The following RNF128 variants were observed in gnomAD, a reference collection of about 807,000 sequenced individuals.
RNF128 encodes the protein E3 ubiquitin-protein ligase RNF128.
Under a neutral mutation model 26.2 loss-of-function variants are expected in RNF128, and 13 were observed. The observed-to-expected ratio is 0.50, with a 90% CI of 0.32 to 0.79. RNF128 has a LOEUF of 0.79. Ranked by LOEUF, RNF128 falls within the 30% of genes least tolerant of loss-of-function variation. The probability of loss-of-function intolerance (pLI) is 0.03; values close to 1 mark genes in which losing one functional copy is unlikely to be tolerated. For missense variants in RNF128, 315 were observed against 349.7 expected, an observed-to-expected ratio of 0.90 and a Z score of 0.79; for synonymous variants, 149 against 142.5, an observed-to-expected ratio of 1.05 and a Z score of -0.32.
chrX:106,705,909 CAG>C (rs1200688586), intron 1 of RNF128, among the ~76,000 whole-genome samples: 6 of 111,862 alleles, frequency 5.4e-5, no homozygotes, highest in African/African-American at 2.0e-4. Flanking sequence ...GAGCAGAACT[CAG>C]AGAGAGGTGG....
chrX:106,702,516 T>C (rs1329674064), intron 1 of RNF128, among the ~76,000 whole-genome samples: 2 of 111,264 alleles, frequency 1.8e-5, no homozygotes, highest in East Asian at 5.7e-4. Flanking sequence ...TCTCTGTCGC[T>C]CTCATTTCAG....
At chrX:106,764,649 G>T (rs1343031168) in intron 1 of RNF128, among the ~76,000 whole-genome samples, 1 of 110,686 alleles carries the variant, frequency 9.0e-6, no homozygotes, top group Non-Finnish European at 1.9e-5. Flanking sequence ...TCTGGGTAAG[G>T]AGCGAAACTC....
At chrX:106,767,928 C>T (rs1020808330) in intron 1 of RNF128, among the ~76,000 whole-genome samples, 5 of 111,670 alleles carry the variant, frequency 4.5e-5, no homozygotes, top group African/African-American at 9.8e-5. Flanking sequence ...GCATGAAGCG[C>T]TGTTGAATTT....
intron 1 of RNF128, among the ~76,000 whole-genome samples, chrX:106,769,776 A>G (rs1930336356): frequency 9.1e-6 from 1 of 110,069 alleles, no homozygotes. Flanking sequence ...TTATGTGTGA[A>G]TTTGATCCTG....
chrX:106,778,289 A>G (rs1569444179), intron 2 of RNF128, among the ~76,000 whole-genome samples: 1 of 111,851 alleles, frequency 8.9e-6, no homozygotes, highest in Non-Finnish European at 1.9e-5. Flanking sequence ...TATACTGACT[A>G]CTGTACCAAC....
At chrX:106,739,173 T>A (rs1204500245) in intron 1 of RNF128, among the ~76,000 whole-genome samples, 2 of 109,679 alleles carry the variant, frequency 1.8e-5, no homozygotes, top group Non-Finnish European at 3.8e-5. Flanking sequence ...TCTGACTTTT[T>A]TTTTGAGACG....
At chrX:106,704,519 T>A (rs1929015991) in intron 1 of RNF128, among the ~76,000 whole-genome samples, 1 of 109,575 alleles carries the variant, frequency 9.1e-6, no homozygotes, top group Non-Finnish European at 1.9e-5. Context: ...TTGAAATATG[T>A]GGGGCACGAA....
At chrX:106,770,377 T>A (rs1198845558) in intron 1 of RNF128, among the ~76,000 whole-genome samples, 1 of 112,030 alleles carries the variant, frequency 8.9e-6, no homozygotes, top group East Asian at 2.8e-4. Flanking sequence ...CACTTTCAGG[T>A]ACACCAATCA....
chrX:106,706,070 C>T (rs1929037571), intron 1 of RNF128, among the ~76,000 whole-genome samples: 1 of 111,699 alleles, frequency 9.0e-6, no homozygotes, highest in Non-Finnish European at 1.9e-5. Context: ...AGGCCTCTAA[C>T]CTGATGCATT....
At chrX:106,717,234 T>A (rs775583186) in intron 1 of RNF128, among the ~76,000 whole-genome samples, 3 of 111,029 alleles carry the variant, frequency 2.7e-5, no homozygotes, top group Non-Finnish European at 3.8e-5. Flanking sequence ...GAAATTTATA[T>A]TGTATTCAAT....
intron 1 of RNF128, among the ~76,000 whole-genome samples, chrX:106,709,106 A>C (rs1387446018): frequency 8.9e-6 from 1 of 111,786 alleles, no homozygotes; most frequent in African/African-American, 3.2e-5. Flanking sequence ...CAATTATAGA[A>C]CTTGCCTACT....
intron 1 of RNF128, among the ~76,000 whole-genome samples, chrX:106,757,632 C>A (rs1930043273): frequency 1.1e-5 from 1 of 90,486 alleles, no homozygotes; most frequent in African/African-American, 4.1e-5. Context: ...ATACCTAATG[C>A]TAGATGACGA....
At chrX:106,771,964 A>T (rs1184393191) in intron 1 of RNF128, among the ~76,000 whole-genome samples, 2 of 112,028 alleles carry the variant, frequency 1.8e-5, no homozygotes, top group Non-Finnish European at 3.8e-5. Context: ...CCTTAACTTA[A>T]TATCAGTGGG....
At chrX:106,765,862 C>CCT (rs1322653358) in intron 1 of RNF128, among the ~76,000 whole-genome samples, 3 of 104,772 alleles carry the variant, frequency 2.9e-5, no homozygotes, top group Non-Finnish European at 5.9e-5. Flanking sequence ...TAATGCTATC[C>CCT]CCCCCAGCCC....
intron 1 of RNF128, among the ~76,000 whole-genome samples, chrX:106,749,969 G>C (rs947697077): frequency 2.7e-5 from 3 of 112,120 alleles, no homozygotes; most frequent in African/African-American, 9.7e-5. Flanking sequence ...AATAGTTACA[G>C]ATTTTGAATT....
rs1930906721 is a variant in RNF128 at position 106,795,794 on chromosome X, TA to T, written c.*84del. On this transcript the variant is annotated 3_prime_UTR_variant, in exon 7 of 7. Transcript: ENST00000255499. Reference sequence around the variant, plus strand: ...GCCTAGTTTCTATTAATAAATTGGATAAATTTAATAAAATAAGAGTGATACT... The same window carrying T: ...GCCTAGTTTCTATTAATAAATTGGATAATTTAATAAAATAAGAGTGATACT... The T allele has an allele frequency of 1.2e-6, 1 of 819,498 alleles. No individual in the cohort carries two copies. Among genetic ancestry groups the T allele is most frequent in the African/African-American group, 2.1e-5 (1 of 47,566 alleles). 67.5% of individuals were successfully genotyped at this position (819,498 alleles called of 1,213,427 possible). A position where few individuals can be genotyped will look rare whatever the true frequency, so the allele number is the denominator to read the frequency against.
chrX:106,788,414 A>ATTAT (rs1569445340), intron 4 of RNF128, among the ~76,000 whole-genome samples: 6 of 47,647 alleles, frequency 1.3e-4, no homozygotes, highest in African/African-American at 5.3e-4. Context: ...AATATATAAT[A>ATTAT]TATAATATAT....
At chrX:106,734,099 C>A (rs750322564) in intron 1 of RNF128, among the ~76,000 whole-genome samples, 8 of 111,781 alleles carry the variant, frequency 7.2e-5, no homozygotes, top group African/African-American at 2.6e-4. Context: ...GTAAGAATTT[C>A]TCCATGTATC....
intron 1 of RNF128, among the ~76,000 whole-genome samples, chrX:106,751,535 G>T (rs1340852525): frequency 9.0e-6 from 1 of 110,827 alleles, no homozygotes; most frequent in Non-Finnish European, 1.9e-5. Flanking sequence ...GTTCTGTGCT[G>T]GGCTCAGAAC....
Sources: gnomAD v4.1 joint callset for allele counts (sites outside exome capture counted in the v4.1 genomes callset) on GRCh38, gnomAD v4.1.1 for gene constraint, MANE v1.5 for transcripts, NCBI Gene and HGNC (gene_info 2026-07-23, HGNC 2026-07-21) for gene names.